The following NABP1 variants were observed in gnomAD, a reference collection of about 807,000 sequenced individuals.
NABP1 encodes the protein nucleic acid binding protein 1.
In NABP1, 18 loss-of-function variants were observed where a neutral mutation model predicts 25.0. That is an observed-to-expected ratio of 0.72 (90% confidence interval 0.50 to 1.07). The LOEUF (loss-of-function observed/expected upper bound fraction) is 1.07, where lower values mean the gene tolerates loss of function less well. NABP1 is among the 50% of genes least tolerant of loss of function. The pLI is 0.00. For missense variants in NABP1, 270 were observed against 255.6 expected, an observed-to-expected ratio of 1.06 and a Z score of -0.39; for synonymous variants, 71 against 85.0, an observed-to-expected ratio of 0.84 and a Z score of 0.91.
chr2:191,683,896 A>T lies in NABP1; in HGVS notation c.378+92A>T. On this transcript the variant is annotated intron_variant, in intron 4 of 5. Coordinates refer to ENST00000425611, the MANE Select transcript of NABP1 (RefSeq NM_001031716.5). The surrounding 1 kb of genome is among the most constrained non-coding windows in gnomAD (Gnocchi z 4.1). ...AGCCCTGTTGATACTTAGTATAAAG[A>T]AGATAATTTTTAAAAGGATACTTAA... The T allele has an allele frequency of 1.0e-6, 1 of 988,542 alleles. No individual in the cohort carries two copies. The highest frequency in any genetic ancestry group is 2.6e-5 in the East Asian group (1 of 37,968). The allele number at this position is 988,542 out of a possible 1,614,324, so 61.2% of individuals were successfully genotyped here.
Position 191,683,667 on chromosome 2 carries a change from A to AT in NABP1, c.303-61dup. The AT allele has an allele frequency of 8.3e-7, 1 of 1,209,806 alleles. No homozygotes were observed. Among genetic ancestry groups the AT allele is most frequent in the Non-Finnish European group, 1.2e-6 (1 of 832,396 alleles). The allele number at this position is 1,209,806 out of a possible 1,614,324, so 74.9% of individuals were successfully genotyped here. A position where few individuals can be genotyped will look rare whatever the true frequency, so the allele number is the denominator to read the frequency against. ...CATTCCTAAAAGTTAGAGATGTTACATAAAGAAGGGTTGAGGACTTTATTT... is the reference window on the plus strand; with the variant it reads ...CATTCCTAAAAGTTAGAGATGTTACATTAAAGAAGGGTTGAGGACTTTATTT... On this transcript the variant is annotated intron_variant, in intron 3 of 5. Transcript: ENST00000425611. The surrounding 1 kb of genome is among the most constrained non-coding windows in gnomAD (Gnocchi z 4.1).
At chr2:191,681,452 G>GTT (rs963972233) in intron 2 of NABP1, among the ~76,000 whole-genome samples, 1 of 151,774 alleles carries the variant, frequency 6.6e-6, no homozygotes, top group Non-Finnish European at 1.5e-5. Context: ...TGACCTTAGT[G>GTT]TTTTTTTTAG....
rs1156588609 is a variant in NABP1, at chr2:191,683,765, TG to T, written c.340del (p.Glu114AsnfsTer23). ...MVYSEVPNFS[E>X]PNPDYRGQQN... ...TTTATTCAGAAGTGCCAAATTTCAG[TG>T]AACCCAACCCAGATTATCGAGGACA... is the stretch of plus-strand genomic sequence containing the variant. On this transcript the variant is annotated frameshift_variant, in exon 4 of 6. Coordinates refer to ENST00000425611, the MANE Select transcript of NABP1 (RefSeq NM_001031716.5). LOFTEE classifies it high-confidence loss of function. The surrounding 1 kb of genome is among the most constrained non-coding windows in gnomAD (Gnocchi z 4.1). The T allele has an allele frequency of 4.2e-5, 68 of 1,610,756 alleles. No individual in the cohort carries two copies. Among genetic ancestry groups the T allele is most frequent in the Non-Finnish European group, 5.6e-5 (66 of 1,179,224 alleles).
At position 191,686,734 on chromosome 2, in the gene NABP1, A is replaced by C. The variant is rs778148634; in HGVS notation, c.*966A>C. On this transcript the variant is annotated 3_prime_UTR_variant, in exon 6 of 6. Transcript: ENST00000425611. ...GCATGTTGTCAAAGTTTCTGAACAC[A>C]GTTCACATAGCCTTATTAGCAAAAG... is the stretch of plus-strand genomic sequence containing the variant. 1.3e-5 allele frequency: 2 copies of C among 152,506 alleles called. No homozygotes were observed. Among genetic ancestry groups the C allele is most frequent in the African/African-American group, 2.4e-5 (1 of 41,444 alleles). 9.4% of individuals were successfully genotyped at this position (152,506 alleles called of 1,614,324 possible).
At chr2:191,682,931 A>G (rs759010654) in intron 3 of NABP1, 1 of 219,514 alleles carries the variant, frequency 4.6e-6, no homozygotes, top group Non-Finnish European at 9.3e-6. Flanking sequence ...TAGCATTAAT[A>G]GAGTTATGTG....
chr2:191,678,873 C>T, intron 1 of NABP1, 117 bp from the exon 2 acceptor site: 1 of 1,486,820 alleles, frequency 6.7e-7, no homozygotes. Context: ...AGGCGGGAGC[C>T]CTGGGCTTGG....
intron 4 of NABP1, among the ~76,000 whole-genome samples, 174 bp from the exon 5 acceptor site, chr2:191,684,056 C>T (rs1293668751): frequency 2.0e-5 from 3 of 146,574 alleles, no homozygotes; most frequent in Admixed American, 6.9e-5. Flanking sequence ...GTTTGGGAAA[C>T]GTTTCTTAAC....
intron 5 of NABP1, chr2:191,685,015 G>C (rs1687780088): frequency 6.6e-6 from 1 of 152,100 alleles, no homozygotes; most frequent in Non-Finnish European, 1.5e-5. Context: ...CTACCACCCA[G>C]CTAATTTTTA....
In NABP1 at chr2:191,678,481, G is replaced by T; in HGVS notation, c.-134G>T. The T allele has an allele frequency of 1.9e-6, 1 of 538,316 alleles. No individual in the cohort carries two copies. Among genetic ancestry groups the T allele is most frequent in the Non-Finnish European group, 3.3e-6 (1 of 307,260 alleles). The allele number at this position is 538,316 out of a possible 1,614,324, so 33.3% of individuals were successfully genotyped here. On this transcript the variant is annotated 5_prime_UTR_variant, in exon 1 of 6. Coordinates refer to ENST00000425611, the MANE Select transcript of NABP1 (RefSeq NM_001031716.5). The stretch of plus-strand genomic sequence containing the variant: ...TGGTTTGCCCGGTCCCTGACTAACG[G>T]CTTTCTGCCCCTTCTCTCGCCACCC...
chr2:191,678,949 T>A (rs1230475594), intron 1 of NABP1, 41 bp from the exon 2 acceptor site: 1 of 1,614,042 alleles, frequency 6.2e-7, no homozygotes, highest in East Asian at 2.2e-5. Context: ...GATGTCCTCA[T>A]TATCTAACAA....
intron 2 of NABP1, among the ~76,000 whole-genome samples, chr2:191,679,903 A>T (rs1307183584): frequency 6.6e-6 from 1 of 152,198 alleles, no homozygotes; most frequent in Admixed American, 6.5e-5. Context: ...ATATTCTGTG[A>T]TATGTCAAAT....
rs1687586100 is a variant in NABP1, at chr2:191,678,924, G to A, written c.92-66G>A. On this transcript the variant is annotated intron_variant, in intron 1 of 5. Coordinates refer to ENST00000425611, the MANE Select transcript of NABP1 (RefSeq NM_001031716.5). ...CAGATGTATTAAAATACCGGAGGAG[G>A]AGTTAGCCTTTCTGGATGTCCTCAT... 92 of 1,604,590 alleles carry A rather than the reference G, an allele frequency of 5.7e-5. 2 individuals are homozygous for A. The South Asian group carries it at 8.8e-4, about 15-fold the overall frequency.
intron 4 of NABP1, among the ~76,000 whole-genome samples, 161 bp from the exon 5 acceptor site, chr2:191,684,066 CATT>C (rs1179383640): frequency 1.4e-5 from 2 of 140,596 alleles, no homozygotes; most frequent in Non-Finnish European, 3.0e-5. Context: ...CGTTTCTTAA[CATT>C]ATAACCTTTA....
chr2:191,681,122 C>G (rs191771376), intron 2 of NABP1, among the ~76,000 whole-genome samples: 1 of 152,108 alleles, frequency 6.6e-6, no homozygotes, highest in African/African-American at 2.4e-5. Flanking sequence ...GCACTGTATC[C>G]TAAGCCACTC....
rs1008980935 is a variant in NABP1 at position 191,678,880 on chromosome 2, T to G, written c.92-110T>G. The G allele has an allele frequency of 8.4e-6, 12 of 1,426,690 alleles. No homozygotes were observed. The African/African-American group carries it at 1.1e-4, about 14-fold the overall frequency. 88.4% of individuals were successfully genotyped at this position (1,426,690 alleles called of 1,614,324 possible). A position where few individuals can be genotyped will look rare whatever the true frequency, so the allele number is the denominator to read the frequency against. ...CCTACCTGAGGCGGGAGCCCTGGGCTTGGTCACTTCCCACCTTCCAGATGT... is the reference window on the plus strand; with the variant it reads ...CCTACCTGAGGCGGGAGCCCTGGGCGTGGTCACTTCCCACCTTCCAGATGT... On this transcript the variant is annotated intron_variant, in intron 1 of 5. Coordinates refer to ENST00000425611, the MANE Select transcript of NABP1 (RefSeq NM_001031716.5).
chr2:191,678,594 C>G lies in NABP1; in HGVS notation c.-21C>G, dbSNP rs1187203815. ...CCCTGCCCACTCGCGTCTCCGCAGC[C>G]GTAGCCGCGCCTGTCCCAATATGAA... On this transcript the variant is annotated 5_prime_UTR_variant, in exon 1 of 6. Coordinates refer to ENST00000425611, the MANE Select transcript of NABP1 (RefSeq NM_001031716.5). The G allele has an allele frequency of 6.3e-7, 1 of 1,585,968 alleles. No homozygotes were observed. Among genetic ancestry groups the G allele is most frequent in the South Asian group, 1.1e-5 (1 of 89,892 alleles).
In NABP1 at chr2:191,678,583, G is replaced by C. The variant is rs527358926; in HGVS notation, c.-32G>C. ...CTTTGACCCCGCCCTGCCCACTCGCGTCTCCGCAGCCGTAGCCGCGCCTGT... is the reference window on the plus strand; with the variant it reads ...CTTTGACCCCGCCCTGCCCACTCGCCTCTCCGCAGCCGTAGCCGCGCCTGT... On this transcript the variant is annotated 5_prime_UTR_variant, in exon 1 of 6. Transcript: ENST00000425611. 6.5e-7 allele frequency: 1 copy of C among 1,548,750 alleles called. No homozygotes were observed. The highest frequency in any genetic ancestry group is 8.9e-7 in the Non-Finnish European group (1 of 1,126,936).
chr2:191,679,959 A>G (rs1687634385), intron 2 of NABP1, among the ~76,000 whole-genome samples: 2 of 152,228 alleles, frequency 1.3e-5, no homozygotes, highest in South Asian at 4.1e-4. Flanking sequence ...TGGAAGGCTC[A>G]TTCTCCAAAA....
chr2:191,681,399 A>G (rs1180808718), intron 2 of NABP1, among the ~76,000 whole-genome samples: 1 of 152,202 alleles, frequency 6.6e-6, no homozygotes, highest in Non-Finnish European at 1.5e-5. Flanking sequence ...CCAGCATGGT[A>G]TTAAAAATCA....
Sources: allele counts gnomAD v4.1 joint callset (sites outside exome capture counted in the v4.1 genomes callset), GRCh38; gene constraint gnomAD v4.1.1; non-coding constraint Gnocchi (gnomAD v3.1); transcripts MANE v1.5; gene names NCBI Gene and HGNC (gene_info 2026-07-23, HGNC 2026-07-21).